The following SORBS2 variants were observed in gnomAD, a reference collection of about 807,000 sequenced individuals.
SORBS2 encodes the protein sorbin and SH3 domain-containing protein 2.
SORBS2 carries 46 observed loss-of-function variants against 97.7 expected under a neutral mutation model. That is an observed-to-expected ratio of 0.47 (90% confidence interval 0.37 to 0.60). The LOEUF is 0.60. SORBS2 is among the 20% of genes least tolerant of loss of function. SORBS2 has a pLI of 0.00. For missense variants in SORBS2, 1,316 were observed against 1,282.3 expected, an observed-to-expected ratio of 1.03 and a Z score of -0.40; for synonymous variants, 476 against 473.4, an observed-to-expected ratio of 1.01 and a Z score of -0.07.
At chr4:185,657,047 T>A, upstream of SORBS2, 1 of 538,248 alleles carries the variant, frequency 1.9e-6, no homozygotes, top group Non-Finnish European at 2.5e-6. Flanking sequence ...GCAATGCATG[T>A]GGGAATTCAA....
intron 1 of SORBS2, among the ~76,000 whole-genome samples, chr4:185,855,338 C>T (rs911987587): frequency 5.3e-5 from 8 of 152,152 alleles, no homozygotes; most frequent in African/African-American, 1.7e-4. Context: ...CCAGTACATA[C>T]GTGGACACAC....
chr4:185,829,898 A>AT (rs1462719226), intron 1 of SORBS2, among the ~76,000 whole-genome samples: 1 of 152,184 alleles, frequency 6.6e-6, no homozygotes, highest in Non-Finnish European at 1.5e-5. Context: ...AAATAATTGG[A>AT]TTTTTCAGAT....
chr4:185,755,715 G>C (rs1313711448), intron 2 of SORBS2, among the ~76,000 whole-genome samples: 1 of 152,210 alleles, frequency 6.6e-6, no homozygotes, highest in Admixed American at 6.5e-5. Context: ...GTCTCACTTA[G>C]ACTCTCTTAT....
At chr4:185,743,006 G>T (rs373356853) in intron 2 of SORBS2, among the ~76,000 whole-genome samples, 1 of 152,160 alleles carries the variant, frequency 6.6e-6, no homozygotes, top group African/African-American at 2.4e-5. Context: ...CCCTTTGGAC[G>T]TGGTGGCGAC....
intron 1 of SORBS2, among the ~76,000 whole-genome samples, chr4:185,910,292 T>G (rs1238527083): frequency 6.6e-6 from 1 of 152,336 alleles, no homozygotes; most frequent in East Asian, 1.9e-4. Context: ...CCTACTCCAT[T>G]TTCAATGCGT....
chr4:185,625,095 C>T (rs975625601), intron 6 of SORBS2, among the ~76,000 whole-genome samples: 1 of 152,180 alleles, frequency 6.6e-6, no homozygotes, highest in African/African-American at 2.4e-5. Context: ...TGAACTATTG[C>T]TGCTAACATT....
At chr4:185,708,199 A>C (rs1432303967) in intron 2 of SORBS2, among the ~76,000 whole-genome samples, 1 of 152,194 alleles carries the variant, frequency 6.6e-6, no homozygotes, top group African/African-American at 2.4e-5. Flanking sequence ...AATTCTCCTT[A>C]GTCAGAAAAG....
intron 4 of SORBS2, among the ~76,000 whole-genome samples, chr4:185,640,712 G>C (rs1053181101): frequency 6.6e-6 from 1 of 152,138 alleles, no homozygotes; most frequent in Admixed American, 6.5e-5. Flanking sequence ...TTATTATTTA[G>C]ATCATTATAG....
At chr4:185,852,814 T>C (rs2099218668) in intron 1 of SORBS2, among the ~76,000 whole-genome samples, 1 of 152,166 alleles carries the variant, frequency 6.6e-6, no homozygotes, top group South Asian at 2.1e-4. Flanking sequence ...AATGTTTTTG[T>C]GGTTTCTCTT....
chr4:185,922,035 G>A (rs1579508213), intron 1 of SORBS2, among the ~76,000 whole-genome samples: 1 of 152,212 alleles, frequency 6.6e-6, no homozygotes, highest in African/African-American at 2.4e-5. Context: ...CTGATGAATG[G>A]ATTTGGTTAT....
intron 1 of SORBS2, among the ~76,000 whole-genome samples, chr4:185,875,875 T>C (rs989882533): frequency 6.6e-6 from 1 of 152,126 alleles, no homozygotes; most frequent in East Asian, 1.9e-4. Context: ...CTTCCAAGAC[T>C]TTTTCCCCCT....
intron 2 of SORBS2, among the ~76,000 whole-genome samples, chr4:185,706,736 C>T (rs2098347423): frequency 6.6e-6 from 1 of 152,146 alleles, no homozygotes; most frequent in Admixed American, 6.5e-5. Flanking sequence ...ATTTATATGT[C>T]TTCTAAAAGC....
intron 1 of SORBS2, among the ~76,000 whole-genome samples, chr4:185,790,741 C>T (rs986274645): frequency 1.1e-4 from 17 of 152,182 alleles, no homozygotes; most frequent in South Asian, 2.1e-4. Flanking sequence ...TCTCATCTCA[C>T]AGACAAATAC....
chr4:185,897,859 A>G (rs2149820709), intron 1 of SORBS2, among the ~76,000 whole-genome samples: 1 of 151,476 alleles, frequency 6.6e-6, no homozygotes, highest in Non-Finnish European at 1.5e-5. Context: ...CAACATGGTG[A>G]AACCCTGTCT....
intron 2 of SORBS2, among the ~76,000 whole-genome samples, chr4:185,724,730 T>C (rs2098543511): frequency 6.6e-6 from 1 of 152,200 alleles, no homozygotes; most frequent in South Asian, 2.1e-4. Flanking sequence ...CTGCTCTCCC[T>C]GGAATCCACC....
intron 2 of SORBS2, among the ~76,000 whole-genome samples, chr4:185,728,787 C>G (rs2098586809): frequency 6.6e-6 from 1 of 152,218 alleles, no homozygotes; most frequent in African/African-American, 2.4e-5. Context: ...GGTTTCAGTG[C>G]TTTGGAGCCA....
intron 12 of SORBS2, among the ~76,000 whole-genome samples, chr4:185,598,864 G>A (rs1338060108): frequency 1.3e-5 from 2 of 151,368 alleles, no homozygotes; most frequent in South Asian, 2.1e-4. Context: ...AATACATAAT[G>A]TAAAAATCAG....
chr4:185,729,626 AATAGT>A (rs1460575762), intron 2 of SORBS2, among the ~76,000 whole-genome samples: 2 of 152,240 alleles, frequency 1.3e-5, no homozygotes, highest in African/African-American at 4.8e-5. Flanking sequence ...AAAGACAAGG[AATAGT>A]ACAGCTCTTC....
At chr4:185,603,072 G>A (rs545121741) in intron 12 of SORBS2, among the ~76,000 whole-genome samples, 9 of 152,152 alleles carry the variant, frequency 5.9e-5, no homozygotes, top group African/African-American at 9.6e-5. Context: ...TGCAAACAAC[G>A]GAAACTTAAA....
Sources: allele counts gnomAD v4.1 joint callset (sites outside exome capture counted in the v4.1 genomes callset), GRCh38; gene constraint gnomAD v4.1.1; transcripts MANE v1.5; gene names NCBI Gene and HGNC (gene_info 2026-07-23, HGNC 2026-07-21).